PUM1: variants seen among roughly 807,000 people sequenced by gnomAD.
The protein encoded by PUM1 is pumilio homolog 1.
Under a neutral mutation model 131.8 loss-of-function variants are expected in PUM1, and 13 were observed. The ratio of observed to expected loss-of-function variants is 0.10; its 90% CI spans 0.06 to 0.16. The LOEUF (loss-of-function observed/expected upper bound fraction) is 0.16. Among genes scored for constraint, PUM1 ranks in the 10% least tolerant of loss-of-function variants. The pLI is 1.00. For synonymous variants in PUM1, 509 were observed against 556.5 expected, an observed-to-expected ratio of 0.91 and a Z score of 1.20; for missense variants, 961 against 1,512.4, an observed-to-expected ratio of 0.64 and a Z score of 6.05.
chr1:31,007,002 C>T lies in PUM1; in HGVS notation c.533G>A (p.Gly178Glu), dbSNP rs1642420527. 2 of 1,612,334 alleles carry T rather than the reference C, an allele frequency of 1.2e-6. No individual in the cohort carries two copies. The highest frequency in any genetic ancestry group is 1.7e-6 in the Non-Finnish European group (2 of 1,178,464). Residue 178 changes from glycine (G) to glutamate (E), a missense_variant, in exon 4 of 22, where the codon GGA becomes GAA. Gly to Glu is a moderately conservative substitution (Grantham distance 98). This residue lies in a region of PUM1 where 654 missense variants were observed against 923.9 expected (regional missense o/e 0.71). Transcript: ENST00000426105. ...TGCTAGATCTAGATTACCTGATGTT[C>T]CCCAGGCACTGTCTCGCCATTGATC... ...LGDQWRDSAWGTSDHSVSQPI... is the reference protein window; with the variant it reads ...LGDQWRDSAWETSDHSVSQPI...
intron 7 of PUM1, among the ~76,000 whole-genome samples, chr1:30,989,093 C>T (rs1026192278): frequency 6.6e-6 from 1 of 152,146 alleles, no homozygotes; most frequent in Non-Finnish European, 1.5e-5. Flanking sequence ...TTCCTATAGG[C>T]AACACAGCAT....
At chr1:31,014,640 C>T (rs1256447999) in intron 3 of PUM1, among the ~76,000 whole-genome samples, 2 of 151,756 alleles carry the variant, frequency 1.3e-5, no homozygotes, top group Admixed American at 6.6e-5. Context: ...ATACAAAAAT[C>T]AGCCAGGCGT....
At chr1:30,954,952 C>G (rs1640088264) in intron 14 of PUM1, among the ~76,000 whole-genome samples, 1 of 151,584 alleles carries the variant, frequency 6.6e-6, no homozygotes, top group African/African-American at 2.4e-5. Context: ...ACCTGTAGTC[C>G]TAACTACTTG....
intron 10 of PUM1, among the ~76,000 whole-genome samples, chr1:30,972,025 T>A (rs1570165816): frequency 6.6e-6 from 1 of 150,914 alleles, no homozygotes; most frequent in East Asian, 2.0e-4. Flanking sequence ...GAGGCCAAGG[T>A]GGGTGGAACA....
rs1453496970 is a variant in PUM1, at chr1:30,932,986, G to A, written c.*225C>T. Reference sequence around the variant, plus strand: ...TCCTATACACCAGTAAAACAGCAGGGCAATTAGTCAATTAAAAAAAATAGT... The same window carrying A: ...TCCTATACACCAGTAAAACAGCAGGACAATTAGTCAATTAAAAAAAATAGT... On this transcript the variant is annotated 3_prime_UTR_variant, in exon 22 of 22. Transcript: ENST00000426105. The A allele has an allele frequency of 1.1e-5, 5 of 453,650 alleles. No homozygotes were observed. The highest frequency in any genetic ancestry group is 8.0e-5 in the African/African-American group (4 of 49,706). 28.1% of individuals were successfully genotyped at this position (453,650 alleles called of 1,614,324 possible).
intron 14 of PUM1, among the ~76,000 whole-genome samples, chr1:30,960,882 G>C (rs1640375914): frequency 1.3e-5 from 2 of 151,844 alleles, no homozygotes; most frequent in African/African-American, 2.4e-5. Flanking sequence ...AAGAGTTTGA[G>C]TTAGGCAAAG....
intron 13 of PUM1, 67 bp downstream of exon 13, chr1:30,965,915 A>G (rs1307940588): frequency 6.7e-7 from 1 of 1,490,540 alleles, no homozygotes; most frequent in African/African-American, 1.4e-5. Context: ...ATGCATTGCC[A>G]GTATTCCAGA....
At chr1:30,960,897 C>A (rs1383675233) in intron 14 of PUM1, among the ~76,000 whole-genome samples, 2 of 151,852 alleles carry the variant, frequency 1.3e-5, no homozygotes, top group Non-Finnish European at 2.9e-5. Flanking sequence ...GCAAAGATTT[C>A]TTCGATACTA....
At chr1:31,008,127 A>C (rs1445610931) in intron 3 of PUM1, among the ~76,000 whole-genome samples, 1 of 152,212 alleles carries the variant, frequency 6.6e-6, no homozygotes, top group African/African-American at 2.4e-5. Flanking sequence ...AGAAAGCACA[A>C]AACATTTCCT....
At chr1:30,979,180 A>G (rs1013560928) in intron 9 of PUM1, among the ~76,000 whole-genome samples, 3 of 152,164 alleles carry the variant, frequency 2.0e-5, no homozygotes, top group Non-Finnish European at 4.4e-5. Flanking sequence ...ACATCCCACA[A>G]GCAAATAAAA....
chr1:31,018,166 A>G (rs1359786923), intron 3 of PUM1, among the ~76,000 whole-genome samples: 2 of 151,618 alleles, frequency 1.3e-5, no homozygotes, highest in East Asian at 3.9e-4. Context: ...CCTGGCCAAC[A>G]TGGTAAACTC....
At chr1:30,955,300 C>CAAAAAAAAAA (rs529336616) in intron 14 of PUM1, among the ~76,000 whole-genome samples, 1 of 113,548 alleles carries the variant, frequency 8.8e-6, no homozygotes, top group Non-Finnish European at 1.8e-5. Flanking sequence ...CTAAAAAATA[C>CAAAAAAAAAA]AAAAAAAAAA....
intron 2 of PUM1, among the ~76,000 whole-genome samples, chr1:31,031,398 G>C (rs1643427033): frequency 6.6e-6 from 1 of 152,190 alleles, no homozygotes; most frequent in Non-Finnish European, 1.5e-5. Flanking sequence ...TATGCACTGT[G>C]TATATTTATG....
At position 30,950,323 on chromosome 1, in the gene PUM1, A is replaced by T. The variant is rs2124409285; in HGVS notation, c.2722-62T>A. The T allele has an allele frequency of 3.9e-6, 6 of 1,548,798 alleles. No homozygotes were observed. In the South Asian group the frequency reaches 7.2e-5, roughly 19 times the overall value. On this transcript the variant is annotated intron_variant, in intron 16 of 21. Coordinates refer to ENST00000426105, the MANE Select transcript of PUM1 (RefSeq NM_001020658.2). ...TAGAAGGAAATAAACCAGAGAAAGC[A>T]AAGCATTCATTATTCTGCATCAACC...
At chr1:30,936,570 CCCT>C (rs1639218961) in intron 21 of PUM1, 70 bp downstream of exon 21, 1 of 1,399,252 alleles carries the variant, frequency 7.1e-7, no homozygotes, top group African/African-American at 1.4e-5. Flanking sequence ...AGGGCACCCA[CCCT>C]CCTTTGTGTT....
intron 14 of PUM1, among the ~76,000 whole-genome samples, chr1:30,958,933 T>C (rs567242212): frequency 6.6e-5 from 10 of 152,340 alleles, no homozygotes; most frequent in Middle Eastern, 3.4e-3. Flanking sequence ...TGGGTATATA[T>C]GCATGTATGG....
intron 2 of PUM1, among the ~76,000 whole-genome samples, chr1:31,049,846 T>TC (rs1415182984): frequency 8.2e-6 from 1 of 121,704 alleles, no homozygotes; most frequent in Admixed American, 7.9e-5. Context: ...TTTTTTTTTT[T>TC]TGAGACAGAG....
intron 15 of PUM1, among the ~76,000 whole-genome samples, chr1:30,952,681 G>GCA (rs1156675617): frequency 3.4e-5 from 1 of 29,226 alleles, no homozygotes; most frequent in African/African-American, 3.0e-4. Flanking sequence ...AAGCGGGGGG[G>GCA]GCGGGGGGGG....
At chr1:31,004,902 C>T (rs912832526) in intron 5 of PUM1, among the ~76,000 whole-genome samples, 5 of 152,160 alleles carry the variant, frequency 3.3e-5, no homozygotes, top group African/African-American at 4.8e-5. Flanking sequence ...CCACAAATTA[C>T]ATTAAAATCT....
Sources: allele counts gnomAD v4.1 joint callset (sites outside exome capture counted in the v4.1 genomes callset), GRCh38; gene constraint gnomAD v4.1.1; regional missense constraint gnomAD v4.1.1; transcripts MANE v1.5; gene names NCBI Gene and HGNC (gene_info 2026-07-23, HGNC 2026-07-21).